RCOR1: variants seen among roughly 807,000 people sequenced by gnomAD.
RCOR1 encodes the protein REST corepressor.
A neutral mutation model predicts 64.0 loss-of-function variants in RCOR1; 12 were observed. That is an observed-to-expected ratio of 0.19 (90% CI 0.12 to 0.30). The LOEUF is 0.30. RCOR1 is among the 10% of genes least tolerant of loss of function. RCOR1 has a pLI of 1.00. For missense variants in RCOR1, 502 were observed against 621.2 expected (o/e 0.81, Z 2.04); for synonymous variants, 279 against 227.2 (o/e 1.23, Z -2.05).
chr14:102,664,271 G>A (rs1894876492), intron 2 of RCOR1, among the ~76,000 whole-genome samples: 1 of 151,758 alleles, frequency 6.6e-6, no homozygotes, highest in Admixed American at 6.6e-5. Flanking sequence ...ACGCCCAGCT[G>A]GGTTTGGTTT....
rs754527576 is a variant in RCOR1 at position 102,681,998 on chromosome 14, A to G, written c.445+20A>G. Reference sequence around the variant, plus strand: ...CAAAGTGTAAGTCTTGGAGCACTTTATTTTCCACCTTTCTTGTTTAATGTA... The same window carrying G: ...CAAAGTGTAAGTCTTGGAGCACTTTGTTTTCCACCTTTCTTGTTTAATGTA... On this transcript the variant is annotated intron_variant, in intron 3 of 11. Transcript: ENST00000262241. The G allele has an allele frequency of 5.1e-6, 8 of 1,560,848 alleles. No homozygotes were observed. The highest frequency in any genetic ancestry group is 6.2e-6 in the Non-Finnish European group (7 of 1,132,078).
chr14:102,611,392 C>T (rs1893634530), intron 2 of RCOR1, among the ~76,000 whole-genome samples: 1 of 152,070 alleles, frequency 6.6e-6, no homozygotes, highest in Non-Finnish European at 1.5e-5. Context: ...CTTTTAATGC[C>T]CTTGTCTACT....
chr14:102,714,289 G>C (rs1314469799), intron 7 of RCOR1, 134 bp from the exon 8 acceptor site: 1 of 527,054 alleles, frequency 1.9e-6, no homozygotes, highest in Admixed American at 3.5e-5. Flanking sequence ...AGAATTTATA[G>C]ATCTCATTTG....
intron 2 of RCOR1, among the ~76,000 whole-genome samples, chr14:102,679,301 A>G (rs758993442): frequency 3.2e-4 from 48 of 152,194 alleles, no homozygotes; most frequent in African/African-American, 9.2e-4. Flanking sequence ...TATGGATCCA[A>G]ATTTTTTTAA....
intron 2 of RCOR1, among the ~76,000 whole-genome samples, chr14:102,650,036 A>G (rs574907228): frequency 6.6e-6 from 1 of 152,030 alleles, no homozygotes; most frequent in East Asian, 1.9e-4. Flanking sequence ...GTCTCTACTA[A>G]AAATACAAAA....
chr14:102,672,563 C>A (rs970738617), intron 2 of RCOR1, among the ~76,000 whole-genome samples: 5 of 152,182 alleles, frequency 3.3e-5, no homozygotes, highest in African/African-American at 4.8e-5. Context: ...ATATTCCCAA[C>A]ATTTTAGCCA....
rs1394587166 is a variant in RCOR1 at position 102,728,372 on chromosome 14, C to G, written c.*1866C>G. The G allele has an allele frequency of 6.6e-6, 1 of 152,138 alleles. No individual in the cohort carries two copies. Among genetic ancestry groups the G allele is most frequent in the African/African-American group, 2.4e-5 (1 of 41,430 alleles). The allele number at this position is 152,138 out of a possible 1,614,324, so 9.4% of individuals were successfully genotyped here. On this transcript the variant is annotated 3_prime_UTR_variant, in exon 12 of 12. Coordinates refer to ENST00000262241, the MANE Select transcript of RCOR1 (RefSeq NM_015156.4). ...AACACTAGTGATGAGGGAGAGGCTTCTTTTCACCATAAGCCTGCTGTGTAC... is the reference window on the plus strand; with the variant it reads ...AACACTAGTGATGAGGGAGAGGCTTGTTTTCACCATAAGCCTGCTGTGTAC...
intron 2 of RCOR1, among the ~76,000 whole-genome samples, chr14:102,673,216 A>G (rs1895063839): frequency 6.6e-6 from 1 of 152,012 alleles, no homozygotes; most frequent in Non-Finnish European, 1.5e-5. Context: ...AAGTTATGAT[A>G]TTATACATTT....
rs540559333 is a variant in RCOR1, at chr14:102,610,606, A to T, written c.361+17281A>T. Among the ~76,000 whole-genome samples the T allele has an allele frequency of 2.0e-5, 3 of 152,194 alleles. No homozygotes were observed. In the East Asian group the frequency reaches 5.8e-4, roughly 29 times the overall value. On this transcript the variant is annotated intron_variant, in intron 2 of 11. Transcript: ENST00000262241. ...GTGACAGAGTGTCGCTCTGTTCCCCAGGCTGGAGTGCAGTGGCGCCATCTC... is the reference window on the plus strand; with the variant it reads ...GTGACAGAGTGTCGCTCTGTTCCCCTGGCTGGAGTGCAGTGGCGCCATCTC...
intron 2 of RCOR1, chr14:102,655,447 T>A (rs7145737): frequency 0.18 from 173,391 of 983,576 alleles, 15,894 homozygotes; most frequent in East Asian, 0.38. Flanking sequence ...TATAATTTGC[T>A]TTTGTTTTTG....
chr14:102,716,671 G>A (rs1305400214), intron 8 of RCOR1, among the ~76,000 whole-genome samples: 1 of 150,186 alleles, frequency 6.7e-6, no homozygotes, highest in African/African-American at 2.5e-5. Context: ...ATGCATATGG[G>A]TCTGGTTTGA....
intron 8 of RCOR1, among the ~76,000 whole-genome samples, chr14:102,717,229 C>T (rs1466888437): frequency 1.3e-5 from 2 of 152,188 alleles, no homozygotes; most frequent in African/African-American, 4.8e-5. Context: ...ATTCAGTTTC[C>T]AGAAATCCAT....
chr14:102,627,900 G>A (rs116089223), intron 2 of RCOR1, among the ~76,000 whole-genome samples: 3,546 of 151,818 alleles, frequency 0.023, 130 homozygotes, highest in African/African-American at 0.076. Flanking sequence ...CTGTGTGTGC[G>A]TGTATATATA....
At chr14:102,631,480 G>A (rs777308881) in intron 2 of RCOR1, among the ~76,000 whole-genome samples, 7 of 152,078 alleles carry the variant, frequency 4.6e-5, no homozygotes, top group Non-Finnish European at 7.4e-5. Context: ...TGGGATTACA[G>A]GTGTGAGCCA....
At chr14:102,699,524 A>G (rs1218751699) in intron 3 of RCOR1, among the ~76,000 whole-genome samples, 1 of 152,202 alleles carries the variant, frequency 6.6e-6, no homozygotes, top group Non-Finnish European at 1.5e-5. Context: ...GTTCTCCCAG[A>G]GCTGGGAGCA....
chr14:102,707,939 G>C (rs1394794661), intron 5 of RCOR1, among the ~76,000 whole-genome samples: 5 of 147,540 alleles, frequency 3.4e-5, no homozygotes, highest in Non-Finnish European at 7.4e-5. Flanking sequence ...ACAGGTGCGT[G>C]CCACCACGGC....
intron 2 of RCOR1, among the ~76,000 whole-genome samples, chr14:102,673,868 G>GCCT (rs1362197582): frequency 1.3e-5 from 2 of 152,194 alleles, no homozygotes; most frequent in Non-Finnish European, 2.9e-5. Flanking sequence ...GCCCGCCGCC[G>GCCT]CCTCGCCAAG....
rs374767364 is a variant in RCOR1 at position 102,708,485 on chromosome 14, A to G, written c.681A>G (p.Ala227=). The change falls in exon 6 of 12, where the codon GCA becomes GCG. Residue 227 remains alanine, a synonymous_variant. Coordinates refer to ENST00000262241, the MANE Select transcript of RCOR1 (RefSeq NM_015156.4). ...TTTAGCTTCCAGATAAATCTATAGC[A>G]AGTCTGGTGAAATTTTACTATTCTT... is the stretch of plus-strand genomic sequence containing the variant. ...IQQMLPDKSI[A]SLVKFYYSWK... The G allele has an allele frequency of 3.1e-5, 48 of 1,571,160 alleles. No individual in the cohort carries two copies. Among genetic ancestry groups the G allele is most frequent in the Non-Finnish European group, 4.1e-5 (47 of 1,141,482 alleles).
In RCOR1 at chr14:102,603,691, G is replaced by A. The variant is rs190576085; in HGVS notation, c.361+10366G>A. Among the ~76,000 whole-genome samples, 721 of 152,018 alleles carry A rather than the reference G, an allele frequency of 4.7e-3. 7 individuals are homozygous for A. The highest frequency in any genetic ancestry group is 0.017 in the African/African-American group (705 of 41,472). On this transcript the variant is annotated intron_variant, in intron 2 of 11. Coordinates refer to ENST00000262241, the MANE Select transcript of RCOR1 (RefSeq NM_015156.4). ...GCTGGAGTGCGGTGGCTTAATCTCA[G>A]CTCACTGCAACCTTCATCTCCTGGG...
Sources: allele counts gnomAD v4.1 joint callset (sites outside exome capture counted in the v4.1 genomes callset), GRCh38; gene constraint gnomAD v4.1.1; transcripts MANE v1.5; gene names NCBI Gene and HGNC (gene_info 2026-07-23, HGNC 2026-07-21).